The following PXMP4 variants were observed in gnomAD, a reference collection of about 807,000 sequenced individuals.
The protein encoded by PXMP4 is peroxisomal membrane protein 4.
Under a neutral mutation model 21.6 loss-of-function variants are expected in PXMP4, and 16 were observed. The ratio of observed to expected loss-of-function variants is 0.74; its 90% CI spans 0.50 to 1.13. The LOEUF is 1.13. Ranked by LOEUF, PXMP4 falls within the 50% of genes most tolerant of loss-of-function variation. PXMP4 has a pLI of 0.00. For missense variants in PXMP4, 240 were observed against 277.7 expected, an observed-to-expected ratio of 0.86 and a Z score of 0.96; for synonymous variants, 127 against 123.8, an observed-to-expected ratio of 1.03 and a Z score of -0.17.
At position 33,707,964 on chromosome 20, in the gene PXMP4, G is replaced by C; in HGVS notation, c.381C>G (p.Asn127Lys). The change falls in exon 4 of 4, where the codon AAC (asparagine) becomes AAG (lysine). Residue 127 changes from asparagine (N) to lysine (K), a missense_variant. Coordinates refer to ENST00000409299, the MANE Select transcript of PXMP4 (RefSeq NM_007238.5). The part of the protein sequence containing the change: ...GENNNINSQI[N>K]MYLLSRVLFA... ...ACAGGACGCGTGACAACAGGTACATGTTGATCTGCAAAGAGGGAATGATGG... is the reference window on the plus strand; with the variant it reads ...ACAGGACGCGTGACAACAGGTACATCTTGATCTGCAAAGAGGGAATGATGG... The C allele has an allele frequency of 1.2e-6, 2 of 1,612,344 alleles. No homozygotes were observed. The highest frequency in any genetic ancestry group is 1.7e-6 in the Non-Finnish European group (2 of 1,178,686).
chr20:33,717,368 C>T (rs144337406), intron 1 of PXMP4, among the ~76,000 whole-genome samples: 3,547 of 151,888 alleles, frequency 0.023, 125 homozygotes, highest in African/African-American at 0.081. Context: ...AGGCCGGGCG[C>T]GGTGGCTCAC....
rs1295517738 is a variant in PXMP4 at position 33,705,573 on chromosome 20, C to T, written c.*2133G>A. ...TGAGCCAAGATCGCGCCACTGCACTCCAGCCTGGGCGAGAGAGCAAGACTC... is the reference window on the plus strand; with the variant it reads ...TGAGCCAAGATCGCGCCACTGCACTTCAGCCTGGGCGAGAGAGCAAGACTC... On this transcript the variant is annotated 3_prime_UTR_variant, in exon 4 of 4. Transcript: ENST00000409299. The T allele has an allele frequency of 6.6e-6, 1 of 151,116 alleles. No homozygotes were observed. Among genetic ancestry groups the T allele is most frequent in the Non-Finnish European group, 1.5e-5 (1 of 67,984 alleles). The allele number at this position is 151,116 out of a possible 1,614,324, so 9.4% of individuals were successfully genotyped here.
Position 33,710,555 on chromosome 20 carries a change from C to A in PXMP4, c.375G>T (p.Gln125His). The A allele has an allele frequency of 6.3e-7, 1 of 1,597,516 alleles. No individual in the cohort carries two copies. The highest frequency in any genetic ancestry group is 2.3e-5 in the East Asian group (1 of 43,964). ...ACCCCCATCTCGGGAGGATCTTTAC[C>A]TGGCTGTTGATGTTATTGTTTTCTC... ...VFGENNNINS[Q>H]INMYLLSRVL... is the part of the protein sequence containing the mutation. The change falls in exon 3 of 4, where the codon CAG becomes CAT. Residue 125 changes from glutamine (Q) to histidine (H), a missense_variant and splice_region_variant. Physicochemically the swap from Gln to His is conservative, Grantham distance 24. Coordinates refer to ENST00000409299, the MANE Select transcript of PXMP4 (RefSeq NM_007238.5).
intron 1 of PXMP4, among the ~76,000 whole-genome samples, chr20:33,718,450 G>T (rs1364150929): frequency 6.9e-6 from 1 of 145,042 alleles, no homozygotes; most frequent in East Asian, 2.0e-4. Context: ...GACGGAGCTT[G>T]CAGTGAGCCG....
intron 1 of PXMP4, among the ~76,000 whole-genome samples, chr20:33,717,496 C>T (rs1452778189): frequency 1.3e-5 from 2 of 149,806 alleles, no homozygotes; most frequent in East Asian, 2.0e-4. Context: ...AAAAATTAGC[C>T]GGGCGTAGTG....
At chr20:33,712,629 C>CATTTATTT (rs1335445427) in intron 2 of PXMP4, among the ~76,000 whole-genome samples, 1 of 151,176 alleles carries the variant, frequency 6.6e-6, no homozygotes, top group Non-Finnish European at 1.5e-5. Context: ...TTTGTTTGTT[C>CATTTATTT]ATTTATTTAT....
In PXMP4 at chr20:33,705,604, CAAAA is replaced by C. The variant is rs772158398; in HGVS notation, c.*2098_*2101del. ...TGGGCGAGAGAGCAAGACTCTGTCT[CAAAA>C]AAAAAAAAAAAAGAAAAAATCAGAC... On this transcript the variant is annotated 3_prime_UTR_variant, in exon 4 of 4. Coordinates refer to ENST00000409299, the MANE Select transcript of PXMP4 (RefSeq NM_007238.5). 3.9e-5 allele frequency: 4 copies of C among 101,444 alleles called. No individual in the cohort carries two copies. The highest frequency in any genetic ancestry group is 2.1e-4 in the Admixed American group (2 of 9,376). The allele number at this position is 101,444 out of a possible 1,614,324, so 6.3% of individuals were successfully genotyped here.
Position 33,707,886 on chromosome 20 carries a change from C to T in PXMP4, c.459G>A (p.Trp153Ter), listed in dbSNP as rs1235482311. 1 of 1,614,006 alleles carries T rather than the reference C, an allele frequency of 6.2e-7. No homozygotes were observed. Among genetic ancestry groups the T allele is most frequent in the African/African-American group, 1.3e-5 (1 of 74,904 alleles). ...CCGCAGTGAGCAGCGGGAACGGGTC[C>T]CACCTGGGTTCAGGGATGTAGCCCT... ...VEKGYIPEPR[W>*]DPFPLLTAVV... Residue 153 changes from tryptophan (W) to a stop codon, truncating the protein, a stop_gained, in exon 4 of 4, where the codon TGG becomes TGA. Coordinates refer to ENST00000409299, the MANE Select transcript of PXMP4 (RefSeq NM_007238.5). LOFTEE classifies it high-confidence loss of function.
chr20:33,707,624 A>G lies in PXMP4; in HGVS notation c.*82T>C, dbSNP rs2018271978. 7 of 1,524,920 alleles carry G rather than the reference A, an allele frequency of 4.6e-6. No individual in the cohort carries two copies. In the East Asian group the frequency reaches 9.1e-5, roughly 20 times the overall value. The allele number at this position is 1,524,920 out of a possible 1,614,324, so 94.5% of individuals were successfully genotyped here. A position where few individuals can be genotyped will look rare whatever the true frequency, so the allele number is the denominator to read the frequency against. ...TAACACCAGTTGGAGTCTGAGGCCT[A>G]TGATCTTGAGAAGGCAGTATCCTTT... On this transcript the variant is annotated 3_prime_UTR_variant, in exon 4 of 4. Transcript: ENST00000409299.
At chr20:33,718,927 A>C (rs994194332) in intron 1 of PXMP4, among the ~76,000 whole-genome samples, 16 of 152,038 alleles carry the variant, frequency 1.1e-4, no homozygotes, top group Non-Finnish European at 2.2e-4. Context: ...ATGGAGTTTC[A>C]CTCTGTCACC....
intron 2 of PXMP4, among the ~76,000 whole-genome samples, chr20:33,711,972 C>T (rs999494977): frequency 3.2e-4 from 47 of 148,258 alleles, no homozygotes; most frequent in African/African-American, 1.1e-3. Flanking sequence ...GAGACCCTGT[C>T]TCTAAAAATT....
chr20:33,711,579 T>G (rs1250462636), intron 2 of PXMP4, among the ~76,000 whole-genome samples: 1 of 152,040 alleles, frequency 6.6e-6, no homozygotes, highest in African/African-American at 2.4e-5. Context: ...CTCTTAAAAA[T>G]CACTAGAGGC....
chr20:33,719,357 A>G (rs910592694), intron 1 of PXMP4, among the ~76,000 whole-genome samples: 2 of 152,182 alleles, frequency 1.3e-5, no homozygotes, highest in Non-Finnish European at 1.5e-5. Flanking sequence ...CATCCTTCCC[A>G]CCATCCCACG....
chr20:33,709,168 CTT>C (rs1188339395), intron 3 of PXMP4, among the ~76,000 whole-genome samples: 3 of 152,224 alleles, frequency 2.0e-5, no homozygotes, highest in East Asian at 3.9e-4. Flanking sequence ...GTGGCAGGCG[CTT>C]GTAGTCCCAG....
intron 2 of PXMP4, among the ~76,000 whole-genome samples, chr20:33,711,075 AT>A (rs2018321020): frequency 6.6e-6 from 1 of 152,180 alleles, no homozygotes; most frequent in South Asian, 2.1e-4. Flanking sequence ...AGTAGCAGCT[AT>A]AGGAGGGTGG....
Position 33,703,518 on chromosome 20 carries a change from G to A in PXMP4, c.*4188C>T, listed in dbSNP as rs188521427. On this transcript the variant is annotated 3_prime_UTR_variant, in exon 4 of 4. Coordinates refer to ENST00000409299, the MANE Select transcript of PXMP4 (RefSeq NM_007238.5). ...TTGCCTCTCAACCTGCTGTACAGAG[G>A]CCAGTTTTAGTTTGGGTTCCCCCAA... 11 of 152,398 alleles carry A rather than the reference G, an allele frequency of 7.2e-5. No homozygotes were observed. The highest frequency in any genetic ancestry group is 2.6e-4 in the African/African-American group (11 of 41,592). The allele number at this position is 152,398 out of a possible 1,614,324, so 9.4% of individuals were successfully genotyped here. A position where few individuals can be genotyped will look rare whatever the true frequency, so the allele number is the denominator to read the frequency against.
In PXMP4 at chr20:33,720,051, C is replaced by T. The variant is rs577245225; in HGVS notation, c.113+44G>A. On this transcript the variant is annotated intron_variant, in intron 1 of 3. Transcript: ENST00000409299. Reference sequence around the variant, plus strand: ...TCGAACTCGCGCCTCTGACCCCAGGCAGGACATCCCTCAGCCCCAGCCCGG... The same window carrying T: ...TCGAACTCGCGCCTCTGACCCCAGGTAGGACATCCCTCAGCCCCAGCCCGG... 6 of 1,581,892 alleles carry T rather than the reference C, an allele frequency of 3.8e-6. No individual in the cohort carries two copies. The East Asian group carries it at 6.8e-5, about 18-fold the overall frequency.
intron 1 of PXMP4, among the ~76,000 whole-genome samples, chr20:33,717,366 C>T (rs2018393573): frequency 1.3e-5 from 2 of 151,842 alleles, no homozygotes; most frequent in South Asian, 2.1e-4. Context: ...TTAGGCCGGG[C>T]GCGGTGGCTC....
chr20:33,715,274 G>A (rs2018371407), intron 1 of PXMP4, among the ~76,000 whole-genome samples: 1 of 152,280 alleles, frequency 6.6e-6, no homozygotes, highest in Admixed American at 6.5e-5. Flanking sequence ...CCAAGTAGCT[G>A]GGATTACAGG....
Sources: allele counts gnomAD v4.1 joint callset (sites outside exome capture counted in the v4.1 genomes callset), GRCh38; gene constraint gnomAD v4.1.1; transcripts MANE v1.5; gene names NCBI Gene and HGNC (gene_info 2026-07-23, HGNC 2026-07-21).